Variants in SLC39A11 observed in about 807,000 individuals in gnomAD.
SLC39A11 encodes the protein zinc transporter ZIP11.
Under a neutral mutation model 36.1 loss-of-function variants are expected in SLC39A11, and 33 were observed. That is an observed-to-expected ratio of 0.91 (90% confidence interval 0.69 to 1.22). SLC39A11 has a LOEUF of 1.22. Ranked by LOEUF, SLC39A11 falls within the 50% of genes most tolerant of loss-of-function variation. The pLI is 0.00. For missense variants in SLC39A11, 432 were observed against 430.3 expected (o/e 1.00, Z -0.03); for synonymous variants, 166 against 170.3 (o/e 0.97, Z 0.20).
At chr17:72,674,400 T>C (rs957473877) in intron 7 of SLC39A11, among the ~76,000 whole-genome samples, 1 of 152,236 alleles carries the variant, frequency 6.6e-6, no homozygotes, top group Non-Finnish European at 1.5e-5. Context: ...GGCTATATAC[T>C]AATCCATGGT....
intron 7 of SLC39A11, among the ~76,000 whole-genome samples, chr17:72,705,900 G>C (rs1289199741): frequency 6.6e-6 from 1 of 152,222 alleles, no homozygotes; most frequent in East Asian, 1.9e-4. Flanking sequence ...CCTGGATCCA[G>C]AGAGTAAAGA....
intron 6 of SLC39A11, among the ~76,000 whole-genome samples, chr17:72,849,322 T>C (rs1567818180): frequency 6.6e-6 from 1 of 152,212 alleles, no homozygotes. Flanking sequence ...ACCCAGTATT[T>C]ATAAAAGATA....
chr17:73,021,503 G>A (rs548671062), intron 4 of SLC39A11, among the ~76,000 whole-genome samples: 10 of 152,004 alleles, frequency 6.6e-5, no homozygotes, highest in East Asian at 5.8e-4. Context: ...CACCATGCCC[G>A]GCTAACTTTT....
At chr17:72,687,903 C>T (rs904423207) in intron 7 of SLC39A11, among the ~76,000 whole-genome samples, 3 of 152,152 alleles carry the variant, frequency 2.0e-5, no homozygotes, top group African/African-American at 7.2e-5. Context: ...AGTGACATCT[C>T]CAAGGCCACA....
intron 4 of SLC39A11, among the ~76,000 whole-genome samples, chr17:72,990,882 G>A (rs183031003): frequency 3.3e-5 from 5 of 152,246 alleles, no homozygotes; most frequent in East Asian, 1.9e-4. Context: ...TACAAAGTAC[G>A]GAAGAAATAT....
intron 6 of SLC39A11, among the ~76,000 whole-genome samples, chr17:72,737,995 T>A (rs1313164910): frequency 6.6e-6 from 1 of 151,794 alleles, no homozygotes; most frequent in Non-Finnish European, 1.5e-5. Context: ...AGCATGCATT[T>A]TTATTTTTAT....
chr17:72,744,085 G>A (rs1326830467), intron 6 of SLC39A11, among the ~76,000 whole-genome samples: 3 of 152,136 alleles, frequency 2.0e-5, no homozygotes, highest in Non-Finnish European at 2.9e-5. Context: ...CCTCCTCTGC[G>A]GAAAACAGTA....
Position 72,696,877 on chromosome 17 carries a change from G to A in SLC39A11, c.671+39773C>T, listed in dbSNP as rs1161210956. On this transcript the variant is annotated intron_variant, in intron 7 of 9. Transcript: ENST00000255559. ...GAGGCTTGGCCTGTATGATCAGCTT[G>A]CGGTTACAAGCGCCTCATGAGATAC... Among the ~76,000 whole-genome samples the A allele has an allele frequency of 3.3e-5, 5 of 152,100 alleles. No individual in the cohort carries two copies. In the South Asian group the frequency reaches 8.3e-4, roughly 25 times the overall value.
At chr17:73,051,187 T>G (rs1013911779) in intron 3 of SLC39A11, among the ~76,000 whole-genome samples, 1 of 152,256 alleles carries the variant, frequency 6.6e-6, no homozygotes, top group South Asian at 2.1e-4. Flanking sequence ...CCTTGACTTG[T>G]GGATACATCA....
intron 4 of SLC39A11, among the ~76,000 whole-genome samples, chr17:72,974,971 C>T (rs1350177199): frequency 6.6e-6 from 1 of 152,220 alleles, no homozygotes; most frequent in Non-Finnish European, 1.5e-5. Context: ...CAATAGGCTA[C>T]ACCCTACAGC....
At chr17:73,056,488 T>C (rs1462808066) in intron 3 of SLC39A11, among the ~76,000 whole-genome samples, 1 of 152,138 alleles carries the variant, frequency 6.6e-6, no homozygotes, top group Non-Finnish European at 1.5e-5. Flanking sequence ...TCTTTTTACA[T>C]TGAGTCCCTG....
chr17:72,738,347 C>A (rs548430601), intron 6 of SLC39A11, among the ~76,000 whole-genome samples: 10 of 152,294 alleles, frequency 6.6e-5, no homozygotes, highest in African/African-American at 2.2e-4. Context: ...AACATTCCAG[C>A]TTTCAAAGGA....
intron 7 of SLC39A11, among the ~76,000 whole-genome samples, chr17:72,726,116 G>A (rs766522545): frequency 2.6e-5 from 4 of 152,164 alleles, no homozygotes; most frequent in Non-Finnish European, 4.4e-5. Context: ...CAACTTTGAG[G>A]AAGTAAGGGT....
chr17:72,884,722 T>C (rs2081367752), intron 5 of SLC39A11, among the ~76,000 whole-genome samples: 1 of 152,186 alleles, frequency 6.6e-6, no homozygotes, highest in Non-Finnish European at 1.5e-5. Context: ...AAATATAAAA[T>C]AGGAAATCGC....
chr17:72,868,487 A>G (rs1031049468), intron 5 of SLC39A11, among the ~76,000 whole-genome samples: 1 of 152,052 alleles, frequency 6.6e-6, no homozygotes. Context: ...TGTCTACGGA[A>G]AATCTTCAGT....
chr17:73,001,070 C>T (rs1458859054), intron 4 of SLC39A11, among the ~76,000 whole-genome samples: 2 of 152,156 alleles, frequency 1.3e-5, no homozygotes, highest in East Asian at 3.9e-4. Flanking sequence ...CATCACCAGC[C>T]TGCTGGCCCC....
chr17:72,870,037 T>C (rs1369384848), intron 5 of SLC39A11, among the ~76,000 whole-genome samples: 1 of 152,192 alleles, frequency 6.6e-6, no homozygotes, highest in East Asian at 1.9e-4. Context: ...TTCTTCTTTT[T>C]TTTTTGTTTA....
chr17:73,018,076 T>C (rs1349271032), intron 4 of SLC39A11, among the ~76,000 whole-genome samples: 1 of 152,228 alleles, frequency 6.6e-6, no homozygotes, highest in Non-Finnish European at 1.5e-5. Flanking sequence ...ATTCTAGGCC[T>C]CGAGTAAAAG....
chr17:73,054,161 G>A (rs58357998), intron 3 of SLC39A11, among the ~76,000 whole-genome samples: 7,352 of 152,096 alleles, frequency 0.048, 296 homozygotes, highest in East Asian at 0.22. Context: ...TCCGGAGTTC[G>A]AGACCAGCCT....
Sources: gnomAD v4.1 joint callset for allele counts (sites outside exome capture counted in the v4.1 genomes callset) on GRCh38, gnomAD v4.1.1 for gene constraint, MANE v1.5 for transcripts, NCBI Gene and HGNC (gene_info 2026-07-23, HGNC 2026-07-21) for gene names.